ATP10B: variants seen among roughly 807,000 people sequenced by gnomAD.
ATP10B encodes ATPase phospholipid transporting 10B (putative).
A neutral mutation model predicts 141.2 loss-of-function variants in ATP10B; 122 were observed. The ratio of observed to expected loss-of-function variants is 0.86; its 90% CI spans 0.75 to 1.00. The LOEUF (loss-of-function observed/expected upper bound fraction) is 1.00. ATP10B is among the 50% of genes least tolerant of loss of function. The pLI, the probability that ATP10B is intolerant of heterozygous loss-of-function variation, is 0.00. For synonymous variants in ATP10B, 685 were observed against 692.0 expected (o/e 0.99, Z 0.16); for missense variants, 1,876 against 1,825.3 (o/e 1.03, Z -0.51).
At chr5:160,752,379 G>C (rs1581464983) in intron 2 of ATP10B, among the ~76,000 whole-genome samples, 1 of 152,124 alleles carries the variant, frequency 6.6e-6, no homozygotes, top group South Asian at 2.1e-4. Flanking sequence ...GAGGACCTAG[G>C]TCTGCAAATT....
chr5:160,866,068 T>TA, the ATP10B span, among the ~76,000 whole-genome samples: 1 of 152,068 alleles, frequency 6.6e-6, no homozygotes, highest in Non-Finnish European at 1.5e-5. Context: ...ACTGGGTATC[T>TA]ACCCAGAGGA....
intron 2 of ATP10B, among the ~76,000 whole-genome samples, chr5:160,754,969 C>T (rs1180870225): frequency 1.3e-5 from 2 of 152,188 alleles, no homozygotes; most frequent in Non-Finnish European, 2.9e-5. Flanking sequence ...AAAGGGAATA[C>T]ATTCTGAGAA....
chr5:160,894,863 A>G, the ATP10B span, among the ~76,000 whole-genome samples: 2 of 152,238 alleles, frequency 1.3e-5, no homozygotes, highest in African/African-American at 4.8e-5. Flanking sequence ...CTCTCTGCAG[A>G]AAAACTACAA....
chr5:160,647,708 A>G (rs1296176621), intron 8 of ATP10B, among the ~76,000 whole-genome samples: 2 of 152,170 alleles, frequency 1.3e-5, no homozygotes, highest in Admixed American at 1.3e-4. Flanking sequence ...CTAAGGCACA[A>G]GGGGCGCCCT....
chr5:160,789,809 G>A (rs1257194213), intron 1 of ATP10B, among the ~76,000 whole-genome samples: 1 of 152,136 alleles, frequency 6.6e-6, no homozygotes, highest in African/African-American at 2.4e-5. Flanking sequence ...TTAACTTCTA[G>A]GCAATATAGC....
the ATP10B span, among the ~76,000 whole-genome samples, chr5:160,917,239 G>A: frequency 6.6e-6 from 1 of 151,614 alleles, no homozygotes; most frequent in African/African-American, 2.4e-5. Flanking sequence ...GCTGGGTTGT[G>A]GGGCCAGGGC....
chr5:160,774,429 TATTCAGA>T (rs1339165087), intron 2 of ATP10B, among the ~76,000 whole-genome samples: 2 of 152,240 alleles, frequency 1.3e-5, no homozygotes, highest in African/African-American at 4.8e-5. Context: ...TCTTTCTTGA[TATTCAGA>T]ATTTGTACAC....
In ATP10B at chr5:160,565,408, T is replaced by TGA. The variant is rs1265423420; in HGVS notation, c.*43_*44dup. 6.3e-7 allele frequency: 1 copy of TGA among 1,580,570 alleles called. No homozygotes were observed. The highest frequency in any genetic ancestry group is 1.7e-5 in the Admixed American group (1 of 59,246). ...AGGGGTCAAGGGTTATGTGGACCAG[T>TGA]GACTAGGTGGCCTCTGTTGAGTTTG... On this transcript the variant is annotated 3_prime_UTR_variant, in exon 26 of 26. Coordinates refer to ENST00000327245, the MANE Select transcript of ATP10B (RefSeq NM_025153.3).
chr5:160,659,966 T>C (rs1359237034), intron 7 of ATP10B, among the ~76,000 whole-genome samples: 1 of 152,192 alleles, frequency 6.6e-6, no homozygotes, highest in Non-Finnish European at 1.5e-5. Context: ...CTCTCTGAAG[T>C]TATTTTCTCA....
intron 10 of ATP10B, among the ~76,000 whole-genome samples, chr5:160,639,545 G>A (rs1222011090): frequency 6.6e-6 from 1 of 152,206 alleles, no homozygotes; most frequent in Non-Finnish European, 1.5e-5. Flanking sequence ...AGGAACCACA[G>A]ACTAAGGACT....
At chr5:160,820,758 A>G (rs547008889) in intron 1 of ATP10B, among the ~76,000 whole-genome samples, 1 of 152,294 alleles carries the variant, frequency 6.6e-6, no homozygotes, top group Admixed American at 6.5e-5. Context: ...AATCAATGGG[A>G]TACATCAGAT....
chr5:160,665,344 ACTT>A (rs1399953526), intron 7 of ATP10B, among the ~76,000 whole-genome samples: 2 of 152,220 alleles, frequency 1.3e-5, no homozygotes, highest in Non-Finnish European at 2.9e-5. Context: ...AGGATTGTCA[ACTT>A]CTTTGTTACC....
chr5:160,589,982 C>G (rs1756175345), intron 23 of ATP10B, among the ~76,000 whole-genome samples: 1 of 152,200 alleles, frequency 6.6e-6, no homozygotes, highest in Admixed American at 6.5e-5. Flanking sequence ...ACAATGCTAA[C>G]AGCTGAGGAT....
chr5:160,839,214 T>C (rs1775668897), intron 1 of ATP10B, among the ~76,000 whole-genome samples: 1 of 152,090 alleles, frequency 6.6e-6, no homozygotes, highest in East Asian at 1.9e-4. Flanking sequence ...TGTAAAAATT[T>C]TGGGGAAGGG....
chr5:160,615,768 G>A (rs1581204752), intron 17 of ATP10B, 70 bp downstream of exon 17: 30 of 1,570,572 alleles, frequency 1.9e-5, no homozygotes, highest in South Asian at 1.8e-4. Context: ...TGTCAGAATC[G>A]GGGCCAAGAG....
intron 7 of ATP10B, among the ~76,000 whole-genome samples, chr5:160,654,901 A>G (rs564048769): frequency 6.6e-6 from 1 of 152,172 alleles, no homozygotes; most frequent in Non-Finnish European, 1.5e-5. Context: ...GGCTTAGGGA[A>G]AATCTGTGAT....
chr5:160,638,554 G>A (rs1020177858), intron 10 of ATP10B, among the ~76,000 whole-genome samples: 5 of 152,194 alleles, frequency 3.3e-5, no homozygotes, highest in African/African-American at 1.2e-4. Flanking sequence ...CTGTGAGCCA[G>A]CCTCAAGTGG....
intron 2 of ATP10B, among the ~76,000 whole-genome samples, chr5:160,768,584 A>G (rs995101163): frequency 1.3e-5 from 2 of 152,210 alleles, no homozygotes; most frequent in Admixed American, 1.3e-4. Context: ...CCACTATGTT[A>G]TAAGTGCCCT....
chr5:160,772,562 C>T (rs1029475036), intron 2 of ATP10B, among the ~76,000 whole-genome samples: 2 of 152,190 alleles, frequency 1.3e-5, no homozygotes, highest in African/African-American at 4.8e-5. Flanking sequence ...AACTGTTCCA[C>T]CTCAGATCGT....
Sources: allele counts gnomAD v4.1 joint callset (sites outside exome capture counted in the v4.1 genomes callset), GRCh38; gene constraint gnomAD v4.1.1; transcripts MANE v1.5; gene names NCBI Gene and HGNC (gene_info 2026-07-23, HGNC 2026-07-21).